MYCBP2: variants seen among roughly 807,000 people sequenced by gnomAD.
The protein encoded by MYCBP2 is E3 ubiquitin-protein ligase MYCBP2.
A neutral mutation model predicts 525.3 loss-of-function variants in MYCBP2; 120 were observed. The observed-to-expected ratio is 0.23, with a 90% confidence interval of 0.20 to 0.27. The LOEUF (loss-of-function observed/expected upper bound fraction) is 0.27. Among genes scored for constraint, MYCBP2 ranks in the 10% least tolerant of loss-of-function variants. MYCBP2 has a pLI of 1.00. For synonymous variants in MYCBP2, 1,894 were observed against 1,955.8 expected (o/e 0.97, Z 0.83); for missense variants, 4,149 against 5,657.1 (o/e 0.73, Z 8.55).
intron 20 of MYCBP2, among the ~76,000 whole-genome samples, chr13:77,221,209 A>G (rs1235391301): frequency 6.6e-6 from 1 of 152,138 alleles, no homozygotes; most frequent in Non-Finnish European, 1.5e-5. Context: ...GTATTTCATG[A>G]AGACGATAAA....
intron 55 of MYCBP2, among the ~76,000 whole-genome samples, chr13:77,102,106 G>A (rs1470766989): frequency 6.6e-6 from 1 of 151,712 alleles, no homozygotes; most frequent in Non-Finnish European, 1.5e-5. Context: ...TAAATGGTAA[G>A]CATTCATTCA....
chr13:77,285,451 A>G (rs1284462162), intron 3 of MYCBP2, among the ~76,000 whole-genome samples: 3 of 152,200 alleles, frequency 2.0e-5, no homozygotes, highest in Non-Finnish European at 4.4e-5. Flanking sequence ...TATGTAGAGC[A>G]GCTCCCATAT....
chr13:77,192,189 C>A (rs1288326208), intron 27 of MYCBP2, among the ~76,000 whole-genome samples: 1 of 152,234 alleles, frequency 6.6e-6, no homozygotes, highest in Non-Finnish European at 1.5e-5. Context: ...TGAAAGGCAG[C>A]ATATTAAGAA....
At chr13:77,291,808 G>A (rs2077510810) in intron 2 of MYCBP2, among the ~76,000 whole-genome samples, 1 of 151,562 alleles carries the variant, frequency 6.6e-6, no homozygotes, top group Admixed American at 6.6e-5. Context: ...CATTTACCGT[G>A]CCCACTCTGA....
chr13:77,214,907 C>CTGT (rs1255445651), intron 21 of MYCBP2, among the ~76,000 whole-genome samples: 18 of 152,276 alleles, frequency 1.2e-4, no homozygotes, highest in Non-Finnish European at 1.9e-4. Flanking sequence ...GACCAAAATA[C>CTGT]TGTTATACAG....
intron 52 of MYCBP2, among the ~76,000 whole-genome samples, chr13:77,133,955 C>CT (rs1490065149): frequency 2.0e-5 from 3 of 152,116 alleles, no homozygotes; most frequent in African/African-American, 7.2e-5. Flanking sequence ...CTCTGTATCC[C>CT]TCCCCTCTGC....
intron 7 of MYCBP2, 133 bp downstream of exon 7, chr13:77,269,859 G>GT (rs2074631060): frequency 1.4e-6 from 1 of 729,884 alleles, no homozygotes; most frequent in Non-Finnish European, 2.3e-6. Context: ...ACACTATTCA[G>GT]TTATTATGGC....
At chr13:77,310,311 T>C (rs1455830477) in intron 1 of MYCBP2, among the ~76,000 whole-genome samples, 1 of 152,172 alleles carries the variant, frequency 6.6e-6, no homozygotes, top group Non-Finnish European at 1.5e-5. Context: ...ACTTCTTTGA[T>C]TCCCTGAATT....
Position 77,323,361 on chromosome 13 carries a change from ATT to A in MYCBP2, c.302+3111_302+3112del, listed in dbSNP as rs2081926063. On this transcript the variant is annotated intron_variant, in intron 1 of 82. Transcript: ENST00000544440. ...GCAAAGAGTAATTAATTCATTTGAC[ATT>A]GACTGATAACTCACTCATCATGTTT... Among the ~76,000 whole-genome samples, 7 of 152,348 alleles carry A rather than the reference ATT, an allele frequency of 4.6e-5. No homozygotes were observed. The South Asian group carries it at 1.4e-3, about 32-fold the overall frequency.
chr13:77,125,820 T>C (rs2051555667), intron 53 of MYCBP2, among the ~76,000 whole-genome samples: 1 of 152,184 alleles, frequency 6.6e-6, no homozygotes, highest in African/African-American at 2.4e-5. Flanking sequence ...AGAGTATCCA[T>C]AGTGTAACTT....
At chr13:77,094,784 A>G (rs1394778728) in intron 58 of MYCBP2, among the ~76,000 whole-genome samples, 2 of 152,152 alleles carry the variant, frequency 1.3e-5, no homozygotes, top group Non-Finnish European at 2.9e-5. Flanking sequence ...GAAGATTCAG[A>G]TACTCTCCAT....
At chr13:77,234,244 T>C (rs1388054407) in intron 17 of MYCBP2, among the ~76,000 whole-genome samples, 5 of 151,964 alleles carry the variant, frequency 3.3e-5, no homozygotes, top group African/African-American at 1.2e-4. Flanking sequence ...CAAAAATGTC[T>C]TCAAATTTGA....
At chr13:77,075,772 C>G (rs981528345) in intron 68 of MYCBP2, 1 of 152,142 alleles carries the variant, frequency 6.6e-6, no homozygotes. Flanking sequence ...ACAGAGTTGA[C>G]ATCTGCTAAA....
chr13:77,074,006 C>G (rs1278855634), intron 68 of MYCBP2, among the ~76,000 whole-genome samples: 2 of 139,796 alleles, frequency 1.4e-5, no homozygotes, highest in Non-Finnish European at 3.1e-5. Flanking sequence ...CCCACCGCCC[C>G]CCCCCCTTTT....
chr13:77,087,785 G>A (rs1322657927), intron 61 of MYCBP2, 152 bp from the exon 62 acceptor site: 4 of 715,254 alleles, frequency 5.6e-6, no homozygotes, highest in Non-Finnish European at 8.9e-6. Flanking sequence ...TTTACTATTT[G>A]TTTTTCTTTT....
chr13:77,267,355 C>T (rs1316606217), intron 8 of MYCBP2, among the ~76,000 whole-genome samples: 3 of 150,994 alleles, frequency 2.0e-5, no homozygotes, highest in Non-Finnish European at 4.4e-5. Context: ...AAATTCCTGA[C>T]CTACCCTAAA....
At chr13:77,160,032 C>T (rs1379714781) in intron 44 of MYCBP2, among the ~76,000 whole-genome samples, 1 of 151,540 alleles carries the variant, frequency 6.6e-6, no homozygotes, top group Non-Finnish European at 1.5e-5. Flanking sequence ...CTACAGCTCC[C>T]TATGATCAGA....
Position 77,206,760 on chromosome 13 carries a change from G to T in MYCBP2, c.3482C>A (p.Ser1161Tyr). 1 of 1,611,908 alleles carries T rather than the reference G, an allele frequency of 6.2e-7. No homozygotes were observed. The highest frequency in any genetic ancestry group is 1.7e-4 in the Middle Eastern group (1 of 6,052). Residue 1161 changes from serine to tyrosine, a missense_variant, in exon 24 of 83, where the codon TCT becomes TAT. Transcript: ENST00000544440. ...NAVVADARLPSAADMQSRCSI... is the reference protein window; with the variant it reads ...NAVVADARLPYAADMQSRCSI... ...ACATCTGGACTGCATGTCTGCTGCA[G>T]AGGGAAGCCTGGCATCAGCAACCAC...
At chr13:77,096,037 CA>C (rs1160851913) in intron 57 of MYCBP2, among the ~76,000 whole-genome samples, 43 of 151,682 alleles carry the variant, frequency 2.8e-4, no homozygotes, top group African/African-American at 1.0e-3. Context: ...GAGAGAATAA[CA>C]GACAATTAAT....
Sources: gnomAD v4.1 joint callset for allele counts (sites outside exome capture counted in the v4.1 genomes callset) on GRCh38, gnomAD v4.1.1 for gene constraint, MANE v1.5 for transcripts, NCBI Gene and HGNC (gene_info 2026-07-23, HGNC 2026-07-21) for gene names.